The following SAP130 variants were observed in gnomAD, a reference collection of about 807,000 sequenced individuals.
The protein encoded by SAP130 is Sin3A associated protein 130, also known as histone deacetylase complex subunit SAP130.
In SAP130, 16 loss-of-function variants were observed where a neutral mutation model predicts 103.2. That is an observed-to-expected ratio of 0.16 (90% confidence interval 0.10 to 0.24). SAP130 has a LOEUF of 0.24. Among genes scored for constraint, SAP130 ranks in the 10% least tolerant of loss-of-function variants. SAP130 has a pLI of 1.00. For missense variants in SAP130, 990 were observed against 1,359.7 expected, an observed-to-expected ratio of 0.73 and a Z score of 4.28; for synonymous variants, 477 against 497.0, an observed-to-expected ratio of 0.96 and a Z score of 0.53.
rs1275764599 is a variant in SAP130, at chr2:127,996,263, A to T, written c.1355+87T>A. The T allele has an allele frequency of 8.1e-7, 1 of 1,237,748 alleles. No homozygotes were observed. Among genetic ancestry groups the T allele is most frequent in the African/African-American group, 1.5e-5 (1 of 64,974 alleles). The allele number at this position is 1,237,748 out of a possible 1,614,324, so 76.7% of individuals were successfully genotyped here. ...AAAACATGAGTAATAAATATAGGCC[A>T]TATTTGTGGGACACTTTGTTTTATG... On this transcript the variant is annotated intron_variant, in intron 11 of 20. Coordinates refer to ENST00000643581, the MANE Select transcript of SAP130 (RefSeq NM_001330301.2). The surrounding 1 kb of genome is among the most constrained non-coding windows in gnomAD (Gnocchi z 4.3).
rs1401856613 is a variant in SAP130 at position 127,942,837 on chromosome 2, A to C, written c.2902-300T>G. Among the ~76,000 whole-genome samples, 2 of 152,100 alleles carry C rather than the reference A, an allele frequency of 1.3e-5. No homozygotes were observed. The highest frequency in any genetic ancestry group is 3.8e-4 in the East Asian group (2 of 5,198). ...AACGCCATCTCTATTAAAAATACAA[A>C]ATTAGCTGGGCGTGGTGGCGCATGC... On this transcript the variant is annotated intron_variant, in intron 19 of 20. Coordinates refer to ENST00000643581, the MANE Select transcript of SAP130 (RefSeq NM_001330301.2). The surrounding 1 kb of genome is among the most constrained non-coding windows in gnomAD (Gnocchi z 4.8).
At chr2:127,999,959 T>C (rs1683435535) in intron 9 of SAP130, 97 bp downstream of exon 9, 1 of 1,461,638 alleles carries the variant, frequency 6.8e-7, no homozygotes, top group Non-Finnish European at 9.5e-7. Context: ...TTCTAGCCCG[T>C]TGTTTTTCTC....
chr2:127,973,062 T>G (rs1380979391), intron 15 of SAP130, among the ~76,000 whole-genome samples: 1 of 152,186 alleles, frequency 6.6e-6, no homozygotes, highest in African/African-American at 2.4e-5. Context: ...TTTTTCATTT[T>G]CCTGACCTCT....
intron 18 of SAP130, among the ~76,000 whole-genome samples, chr2:127,947,764 C>CTGTGTGTGTGAGAGTGTG (rs147211610): frequency 4.2e-5 from 6 of 143,422 alleles, no homozygotes; most frequent in African/African-American, 1.0e-4. Context: ...TTGTGTGTGT[C>CTGTGTGTGTGAGAGTGTG]TGTGTGTGTG....
At chr2:128,027,743 C>T (rs1237671665) in intron 1 of SAP130, among the ~76,000 whole-genome samples, 197 bp downstream of exon 1, 1 of 151,820 alleles carries the variant, frequency 6.6e-6, no homozygotes, top group Non-Finnish European at 1.5e-5. Context: ...CCCTTCCTCG[C>T]CACAGGACAC....
At position 127,955,013 on chromosome 2, in the gene SAP130, G is replaced by A; in HGVS notation, c.2395C>T (p.Pro799Ser). The change falls in exon 16 of 21, where the codon CCA becomes TCA. Residue 799 changes from proline (P) to serine (S), a missense_variant. Coordinates refer to ENST00000643581, the MANE Select transcript of SAP130 (RefSeq NM_001330301.2). The surrounding 1 kb of genome is among the most constrained non-coding windows in gnomAD (Gnocchi z 4.9). Reference protein sequence around the residue: ...PEIKVKEEVEPMDIMRPVSAV... With the variant: ...PEIKVKEEVESMDIMRPVSAV... ...GAAACTGGCCTCATGATATCCATTG[G>A]TTCTACTTCTTCTTTCACTTTAATT... 1 of 1,613,206 alleles carries A rather than the reference G, an allele frequency of 6.2e-7. No homozygotes were observed. The highest frequency in any genetic ancestry group is 1.7e-4 in the Middle Eastern group (1 of 6,056).
intron 7 of SAP130, among the ~76,000 whole-genome samples, chr2:128,007,092 G>A (rs1009555044): frequency 2.0e-5 from 3 of 152,098 alleles, no homozygotes; most frequent in African/African-American, 7.2e-5. Context: ...AAGATACTTT[G>A]ACAAAACGAT....
At chr2:128,023,783 AAAG>A (rs974089825) in intron 2 of SAP130, among the ~76,000 whole-genome samples, 3 of 152,178 alleles carry the variant, frequency 2.0e-5, no homozygotes, top group Non-Finnish European at 4.4e-5. Flanking sequence ...TCTCAGAAAA[AAAG>A]AAGACTATCA....
chr2:128,000,151 G>C lies in SAP130; in HGVS notation c.1018-5C>G. On this transcript the variant is annotated splice_region_variant and splice_polypyrimidine_tract_variant and intron_variant, in intron 8 of 20. Transcript: ENST00000643581. Reference sequence around the variant, plus strand: ...GCCAGTACTGAAGATTGTTTTCTGTGAGGGAAACCCCACAACACAGTTATA... The same window carrying C: ...GCCAGTACTGAAGATTGTTTTCTGTCAGGGAAACCCCACAACACAGTTATA... 6.2e-7 allele frequency: 1 copy of C among 1,613,950 alleles called. No homozygotes were observed. Among genetic ancestry groups the C allele is most frequent in the Non-Finnish European group, 8.5e-7 (1 of 1,179,836 alleles).
intron 18 of SAP130, among the ~76,000 whole-genome samples, chr2:127,948,567 C>T (rs1679286597): frequency 1.3e-5 from 2 of 151,844 alleles, no homozygotes; most frequent in African/African-American, 4.8e-5. Context: ...ATTTTGAACT[C>T]CTGACCTCCA....
intron 15 of SAP130, among the ~76,000 whole-genome samples, chr2:127,973,520 G>A (rs1182114459): frequency 6.6e-6 from 1 of 152,198 alleles, no homozygotes; most frequent in Non-Finnish European, 1.5e-5. Flanking sequence ...GATTCCAGGC[G>A]TGAGCCCCTG....
chr2:127,995,981 G>A (rs1573776406), intron 11 of SAP130, among the ~76,000 whole-genome samples: 2 of 152,248 alleles, frequency 1.3e-5, no homozygotes, highest in Non-Finnish European at 2.9e-5. Flanking sequence ...AGAAGGGAGA[G>A]CTCGGAATCC....
At chr2:128,005,641 T>C (rs1683908327) in intron 7 of SAP130, among the ~76,000 whole-genome samples, 2 of 151,616 alleles carry the variant, frequency 1.3e-5, no homozygotes, top group Middle Eastern at 6.8e-3. Context: ...GTTCATATAG[T>C]TTTTCTTTCT....
chr2:128,000,786 T>A (rs1683502021), intron 7 of SAP130, among the ~76,000 whole-genome samples: 1 of 152,082 alleles, frequency 6.6e-6, no homozygotes, highest in Non-Finnish European at 1.5e-5. Flanking sequence ...GTAGACACAG[T>A]GCTTTTGGGG....
At chr2:127,992,805 A>G (rs939597940) in intron 12 of SAP130, among the ~76,000 whole-genome samples, 2 of 152,256 alleles carry the variant, frequency 1.3e-5, no homozygotes, top group African/African-American at 4.8e-5. Context: ...CACAAGTACC[A>G]TGGAACCTAA....
At chr2:128,022,801 T>C in intron 2 of SAP130, among the ~76,000 whole-genome samples, 1 of 152,174 alleles carries the variant, frequency 6.6e-6, no homozygotes, top group East Asian at 1.9e-4. Flanking sequence ...ATCAGGTTGT[T>C]TGTCTTTTTA....
chr2:128,007,416 G>A (rs1339696318), intron 7 of SAP130, among the ~76,000 whole-genome samples: 1 of 152,174 alleles, frequency 6.6e-6, no homozygotes, highest in Non-Finnish European at 1.5e-5. Flanking sequence ...GAGCGTCCTT[G>A]GATTTCAGCA....
At chr2:127,990,898 C>T (rs1682743528) in intron 12 of SAP130, among the ~76,000 whole-genome samples, 1 of 146,180 alleles carries the variant, frequency 6.8e-6, no homozygotes, top group South Asian at 2.2e-4. Context: ...GGTATGATTG[C>T]ACCACTGCAC....
intron 5 of SAP130, among the ~76,000 whole-genome samples, chr2:128,014,600 G>A (rs1684643527): frequency 6.6e-6 from 1 of 152,178 alleles, no homozygotes; most frequent in South Asian, 2.1e-4. Context: ...GCCTCCCAAA[G>A]TGTTGGGTTT....
Sources: allele counts gnomAD v4.1 joint callset (sites outside exome capture counted in the v4.1 genomes callset), GRCh38; gene constraint gnomAD v4.1.1; non-coding constraint Gnocchi (gnomAD v3.1); transcripts MANE v1.5; gene names NCBI Gene and HGNC (gene_info 2026-07-23, HGNC 2026-07-21).